ACSM1: variants seen among roughly 807,000 people sequenced by gnomAD.
The protein encoded by ACSM1 is acyl-coenzyme A synthetase ACSM1, mitochondrial.
ACSM1 carries 79 observed loss-of-function variants against 75.8 expected under a neutral mutation model. The observed-to-expected ratio is 1.04, with a 90% confidence interval of 0.87 to 1.26. The LOEUF (loss-of-function observed/expected upper bound fraction) is 1.26, where lower values mean the gene tolerates loss of function less well. Ranked by LOEUF, ACSM1 falls within the 50% of genes most tolerant of loss-of-function variation. The pLI, the probability that ACSM1 is intolerant of heterozygous loss-of-function variation, is 0.00. For missense variants in ACSM1, 676 were observed against 720.1 expected (o/e 0.94, Z 0.70); for synonymous variants, 279 against 265.8 (o/e 1.05, Z -0.48).
At chr16:20,635,424 C>T (rs1339636038) in intron 10 of ACSM1, among the ~76,000 whole-genome samples, 1 of 152,062 alleles carries the variant, frequency 6.6e-6, no homozygotes, top group Non-Finnish European at 1.5e-5. Flanking sequence ...TGGATTATCC[C>T]CATTTCAGCT....
intron 3 of ACSM1, among the ~76,000 whole-genome samples, chr16:20,683,855 A>C (rs975375121): frequency 2.0e-5 from 3 of 152,072 alleles, no homozygotes; most frequent in African/African-American, 7.2e-5. Context: ...GGCCTAAGCC[A>C]CCACCCAGGC....
At chr16:20,637,894 A>G (rs973476373) in intron 8 of ACSM1, among the ~76,000 whole-genome samples, 1 of 152,166 alleles carries the variant, frequency 6.6e-6, no homozygotes, top group Non-Finnish European at 1.5e-5. Context: ...ACTGATCCTG[A>G]TGCCAACTTT....
At chr16:20,672,496 A>AT (rs1491253053) in intron 4 of ACSM1, among the ~76,000 whole-genome samples, 1,588 of 113,102 alleles carry the variant, frequency 0.014, 44 homozygotes, top group East Asian at 0.036. Context: ...ATATATATAT[A>AT]AAAAACATAT....
chr16:20,655,441 TA>T (rs1317516194), intron 7 of ACSM1, among the ~76,000 whole-genome samples: 1 of 151,932 alleles, frequency 6.6e-6, no homozygotes, highest in Non-Finnish European at 1.5e-5. Flanking sequence ...GAGGGATATT[TA>T]AGATAAAACA....
At chr16:20,671,760 A>G in intron 4 of ACSM1, 89 bp from the exon 5 acceptor site, 1 of 1,391,778 alleles carries the variant, frequency 7.2e-7, no homozygotes, top group African/African-American at 1.5e-5. Context: ...AGGCACGGAC[A>G]GGAAACTGGG....
At chr16:20,624,290 G>A (rs1330822667) in intron 12 of ACSM1, 75 bp from the exon 13 acceptor site, 9 of 1,488,218 alleles carry the variant, frequency 6.0e-6, no homozygotes, top group Admixed American at 2.0e-5. Flanking sequence ...TTTATTGAAT[G>A]AGTGGTAAAA....
intron 6 of ACSM1, 86 bp downstream of exon 6, chr16:20,669,741 C>T: frequency 2.1e-6 from 3 of 1,414,780 alleles, no homozygotes; most frequent in Non-Finnish European, 2.9e-6. Flanking sequence ...GGCTTCTTTG[C>T]TTAATAAAAT....
intron 2 of ACSM1, among the ~76,000 whole-genome samples, chr16:20,687,364 C>T (rs996053521): frequency 2.6e-5 from 4 of 151,934 alleles, no homozygotes; most frequent in South Asian, 2.1e-4. Context: ...GCCATTTATA[C>T]GGGAAAATTA....
chr16:20,695,590 C>A (rs1435715370), intron 1 of ACSM1, among the ~76,000 whole-genome samples: 3 of 151,986 alleles, frequency 2.0e-5, no homozygotes, highest in African/African-American at 7.3e-5. Context: ...TATCTATTAT[C>A]TATCTATCAT....
intron 7 of ACSM1, among the ~76,000 whole-genome samples, chr16:20,656,326 A>T (rs2018955430): frequency 6.6e-6 from 1 of 152,180 alleles, no homozygotes. Context: ...ACTAGCTCAG[A>T]TGCCCTTTTA....
Position 20,682,418 on chromosome 16 carries a change from A to C in ACSM1, c.449T>G (p.Ile150Ser). 1 of 1,613,894 alleles carries C rather than the reference A, an allele frequency of 6.2e-7. No individual in the cohort carries two copies. Among genetic ancestry groups the C allele is most frequent in the Non-Finnish European group, 8.5e-7 (1 of 1,179,862 alleles). Residue 150 changes from isoleucine to serine, a missense_variant, in exon 4 of 14, where the codon ATT becomes AGT. Coordinates refer to ENST00000520010, the MANE Select transcript of ACSM1 (RefSeq NM_001318890.3). ...TTTAGACAACTGTAGTCGATAGAGA[A>C]TGTCTTTGGCCTTCAACAGGATGGT... is the stretch of plus-strand genomic sequence containing the variant. ...PATILLKAKDILYRLQLSKAK... is the reference protein window; with the variant it reads ...PATILLKAKDSLYRLQLSKAK...
At chr16:20,628,868 G>A (rs2017166324) in intron 10 of ACSM1, among the ~76,000 whole-genome samples, 1 of 152,116 alleles carries the variant, frequency 6.6e-6, no homozygotes, top group African/African-American at 2.4e-5. Flanking sequence ...TCACTGAGAG[G>A]GTTGATATTT....
At chr16:20,668,708 G>A (rs2019711498) in intron 6 of ACSM1, among the ~76,000 whole-genome samples, 1 of 152,154 alleles carries the variant, frequency 6.6e-6, no homozygotes, top group Admixed American at 6.6e-5. Context: ...AACAGTAAGG[G>A]CAGACCACTG....
rs2018477306 is a variant in ACSM1 at position 20,648,514 on chromosome 16, G to A, written c.993-7930C>T. On this transcript the variant is annotated intron_variant, in intron 7 of 13. Transcript: ENST00000520010. This position sits in a 1 kb window ranked among gnomAD's most constrained non-coding sequence, Gnocchi z 4.2. The stretch of plus-strand genomic sequence containing the variant: ...AAGAGGTCAGGCCATGATGGAAATG[G>A]GTGGTTGGATGTACCTCATTATACC... Among the ~76,000 whole-genome samples the A allele has an allele frequency of 2.0e-5, 3 of 152,124 alleles. No individual in the cohort carries two copies. Among genetic ancestry groups the A allele is most frequent in the Admixed American group, 2.0e-4 (3 of 15,272 alleles).
At chr16:20,690,723 A>G (rs984523122) in intron 2 of ACSM1, among the ~76,000 whole-genome samples, 2 of 152,222 alleles carry the variant, frequency 1.3e-5, no homozygotes, top group African/African-American at 2.4e-5. Context: ...CCTGGTCACA[A>G]TTATAGTACC....
intron 4 of ACSM1, among the ~76,000 whole-genome samples, chr16:20,675,787 G>T (rs748417748): frequency 6.6e-6 from 1 of 152,156 alleles, no homozygotes; most frequent in South Asian, 2.1e-4. Context: ...TTGATTCATG[G>T]CTAAATGAAT....
chr16:20,664,013 T>C (rs2019433507), intron 6 of ACSM1, among the ~76,000 whole-genome samples: 1 of 152,156 alleles, frequency 6.6e-6, no homozygotes, highest in South Asian at 2.1e-4. Context: ...TGACTACTCC[T>C]GGTGCTTTGC....
chr16:20,665,091 G>GA (rs952100286), intron 6 of ACSM1, among the ~76,000 whole-genome samples: 3 of 150,660 alleles, frequency 2.0e-5, no homozygotes, highest in Admixed American at 1.3e-4. Flanking sequence ...GAGGAACTAG[G>GA]AAAAAAAAGA....
intron 6 of ACSM1, among the ~76,000 whole-genome samples, chr16:20,666,868 G>A (rs2019595230): frequency 6.6e-6 from 1 of 152,158 alleles, no homozygotes; most frequent in African/African-American, 2.4e-5. Flanking sequence ...TTCCATAAAT[G>A]GTGCTGGGAA....
Sources: allele counts gnomAD v4.1 joint callset (sites outside exome capture counted in the v4.1 genomes callset), GRCh38; gene constraint gnomAD v4.1.1; non-coding constraint Gnocchi (gnomAD v3.1); transcripts MANE v1.5; gene names NCBI Gene and HGNC (gene_info 2026-07-23, HGNC 2026-07-21).